The following ERI3 variants were observed in gnomAD, a reference collection of about 807,000 sequenced individuals.
The protein encoded by ERI3 is ERI1 exoribonuclease family member 3.
ERI3 carries 18 observed loss-of-function variants against 44.4 expected under a neutral mutation model. That is an observed-to-expected ratio of 0.41 (90% CI 0.28 to 0.60). ERI3 has a LOEUF of 0.60. Ranked by LOEUF, ERI3 falls within the 20% of genes least tolerant of loss-of-function variation. The probability of loss-of-function intolerance (pLI) is 0.36; values close to 1 mark genes in which losing one functional copy is unlikely to be tolerated. For synonymous variants in ERI3, 183 were observed against 164.8 expected, an observed-to-expected ratio of 1.11 and a Z score of -0.84; for missense variants, 294 against 435.5, an observed-to-expected ratio of 0.68 and a Z score of 2.89.
At position 44,252,970 on chromosome 1, in the gene ERI3, C is replaced by A. The variant is rs974028166; in HGVS notation, c.832-4932G>T. 1.3e-5 allele frequency among the ~76,000 whole-genome samples: 2 copies of A among 152,208 alleles called. No individual in the cohort carries two copies. The highest frequency in any genetic ancestry group is 2.9e-5 in the Non-Finnish European group (2 of 68,038). Reference sequence around the variant, plus strand: ...GAGGAGGAGCAGGCCTTTAACCATACCTCTGGATGACTTGTCACCCTGCAG... The same window carrying A: ...GAGGAGGAGCAGGCCTTTAACCATAACTCTGGATGACTTGTCACCCTGCAG... On this transcript the variant is annotated intron_variant, in intron 7 of 8. Coordinates refer to ENST00000372257, the MANE Select transcript of ERI3 (RefSeq NM_024066.3). The surrounding 1 kb of genome is among the most constrained non-coding windows in gnomAD (Gnocchi z 4.7).
At chr1:44,288,521 C>T (rs1645439385) in intron 6 of ERI3, among the ~76,000 whole-genome samples, 1 of 152,148 alleles carries the variant, frequency 6.6e-6, no homozygotes. Flanking sequence ...AGGATCAAGA[C>T]AGGAAATCTG....
chr1:44,306,974 A>G (rs756684882), intron 6 of ERI3, among the ~76,000 whole-genome samples: 1 of 152,226 alleles, frequency 6.6e-6, no homozygotes, highest in Non-Finnish European at 1.5e-5. Flanking sequence ...CCAGGACGCT[A>G]TTAACAAGAA....
intron 8 of ERI3, among the ~76,000 whole-genome samples, chr1:44,229,222 G>A (rs1644119692): frequency 6.6e-6 from 1 of 152,230 alleles, no homozygotes; most frequent in African/African-American, 2.4e-5. Flanking sequence ...GGCAAGAACG[G>A]TGGCAGGGAG....
chr1:44,226,335 A>G (rs1320301016), intron 8 of ERI3, among the ~76,000 whole-genome samples: 2 of 152,118 alleles, frequency 1.3e-5, no homozygotes, highest in East Asian at 3.8e-4. Context: ...AGAATGATGG[A>G]CATTGACATG....
chr1:44,252,269 C>A lies in ERI3; in HGVS notation c.832-4231G>T, dbSNP rs1342175435. On this transcript the variant is annotated intron_variant, in intron 7 of 8. Coordinates refer to ENST00000372257, the MANE Select transcript of ERI3 (RefSeq NM_024066.3). This position sits in a 1 kb window ranked among gnomAD's most constrained non-coding sequence, Gnocchi z 4.7. ...CCTGTGCCAGGCAGGCACGCACACA[C>A]GCTTCCCTTCCCCTGGGCTGCTGCA... Among the ~76,000 whole-genome samples, 3 of 152,372 alleles carry A rather than the reference C, an allele frequency of 2.0e-5. No homozygotes were observed. The highest frequency in any genetic ancestry group is 6.5e-5 in the Admixed American group (1 of 15,312).
chr1:44,296,884 AAG>A (rs995597863), intron 6 of ERI3, among the ~76,000 whole-genome samples: 4 of 152,288 alleles, frequency 2.6e-5, no homozygotes, highest in Non-Finnish European at 4.4e-5. Context: ...GTGGTGGAAG[AAG>A]AGAGTGTTTG....
chr1:44,287,380 T>C (rs1384891340), intron 6 of ERI3, among the ~76,000 whole-genome samples: 2 of 152,260 alleles, frequency 1.3e-5, no homozygotes, highest in African/African-American at 4.8e-5. Context: ...CAGTCCGGCC[T>C]TCCCTCCATT....
chr1:44,352,684 A>T (rs945483650), intron 2 of ERI3, among the ~76,000 whole-genome samples, 166 bp downstream of exon 2: 1 of 152,174 alleles, frequency 6.6e-6, no homozygotes, highest in African/African-American at 2.4e-5. Context: ...GACTTTGAGC[A>T]TATGTTACTT....
intron 4 of ERI3, among the ~76,000 whole-genome samples, chr1:44,315,523 T>A (rs1032546786): frequency 6.6e-6 from 1 of 152,190 alleles, no homozygotes; most frequent in Non-Finnish European, 1.5e-5. Context: ...GCTGGGGAAA[T>A]GGAGCTCCAG....
intron 4 of ERI3, among the ~76,000 whole-genome samples, chr1:44,315,626 A>G (rs1572260322): frequency 6.6e-6 from 1 of 152,266 alleles, no homozygotes; most frequent in East Asian, 1.9e-4. Flanking sequence ...TCCTTCTCTC[A>G]CCATGCTTCC....
At chr1:44,264,921 A>G (rs1644960449) in intron 7 of ERI3, among the ~76,000 whole-genome samples, 1 of 152,198 alleles carries the variant, frequency 6.6e-6, no homozygotes, top group South Asian at 2.1e-4. Context: ...CTCAGAAGCT[A>G]CTGGTTCTAG....
chr1:44,247,800 C>T, intron 8 of ERI3, 139 bp downstream of exon 8: 1 of 583,088 alleles, frequency 1.7e-6, no homozygotes, highest in East Asian at 3.3e-5. Context: ...CACCCCCCTT[C>T]CACCATCCCC....
intron 6 of ERI3, among the ~76,000 whole-genome samples, chr1:44,307,641 G>A (rs556020197): frequency 2.6e-5 from 4 of 152,136 alleles, no homozygotes; most frequent in Non-Finnish European, 5.9e-5. Context: ...TTCCATAACC[G>A]GGACAGGATC....
chr1:44,351,100 C>A (rs1234161006), intron 2 of ERI3, among the ~76,000 whole-genome samples: 1 of 151,134 alleles, frequency 6.6e-6, no homozygotes, highest in African/African-American at 2.4e-5. Context: ...GTGGTGCCAT[C>A]TCAGCTCACT....
At chr1:44,352,411 TAGATA>T (rs1646911857) in intron 2 of ERI3, among the ~76,000 whole-genome samples, 1 of 2,436 alleles carries the variant, frequency 4.1e-4, no homozygotes, top group Non-Finnish European at 1.4e-3. Flanking sequence ...GTCTCATAGA[TAGATA>T]GATAGATAGA....
chr1:44,343,795 T>C (rs903096637), intron 2 of ERI3, among the ~76,000 whole-genome samples: 5 of 152,202 alleles, frequency 3.3e-5, no homozygotes, highest in Admixed American at 6.5e-5. Flanking sequence ...GAAAATGTCC[T>C]TGTTTATAGG....
rs1239583200 is a variant in ERI3, at chr1:44,299,387, C to T, written c.758+8923G>A. 2.0e-5 allele frequency among the ~76,000 whole-genome samples: 3 copies of T among 151,872 alleles called. No individual in the cohort carries two copies. The East Asian group carries it at 5.8e-4, about 29-fold the overall frequency. On this transcript the variant is annotated intron_variant, in intron 6 of 8. Coordinates refer to ENST00000372257, the MANE Select transcript of ERI3 (RefSeq NM_024066.3). ...TTTTTATTTTTAATAGAGACAGGGC[C>T]CTGCTACCTCAGGCTGGTCTCAAAC...
At chr1:44,339,370 A>G (rs1212245948) in intron 2 of ERI3, 48 bp from the exon 3 acceptor site, 3 of 1,392,846 alleles carry the variant, frequency 2.2e-6, no homozygotes, top group Non-Finnish European at 2.8e-6. Flanking sequence ...AAAAGAAAGA[A>G]AAAAAAAAAA....
intron 4 of ERI3, among the ~76,000 whole-genome samples, chr1:44,314,365 T>A (rs1286897208): frequency 6.6e-6 from 1 of 152,192 alleles, no homozygotes; most frequent in African/African-American, 2.4e-5. Context: ...AAGTCATTAT[T>A]AGGTGGTATT....
Sources: gnomAD v4.1 joint callset for allele counts (sites outside exome capture counted in the v4.1 genomes callset) on GRCh38, gnomAD v4.1.1 for gene constraint, Gnocchi (gnomAD v3.1) non-coding constraint, MANE v1.5 for transcripts, NCBI Gene and HGNC (gene_info 2026-07-23, HGNC 2026-07-21) for gene names.